CCND3: variants seen among roughly 807,000 people sequenced by gnomAD.
CCND3 encodes cyclin D3, also known as G1/S-specific cyclin-D3.
In CCND3, 9 loss-of-function variants were observed where a neutral mutation model predicts 28.7. The ratio of observed to expected loss-of-function variants is 0.31; its 90% CI spans 0.19 to 0.55. The LOEUF (loss-of-function observed/expected upper bound fraction) is 0.55. Among genes scored for constraint, CCND3 ranks in the 20% least tolerant of loss-of-function variants. The pLI is 0.93. For missense variants in CCND3, 315 were observed against 385.8 expected (o/e 0.82, Z 1.54); for synonymous variants, 164 against 163.9 (o/e 1.00, Z 0.00).
chr6:42,040,443 A>C (rs1377704345), intron 1 of CCND3, among the ~76,000 whole-genome samples: 1 of 151,884 alleles, frequency 6.6e-6, no homozygotes, highest in Non-Finnish European at 1.5e-5. Context: ...ACAACAACAA[A>C]AAAGAAAAGT....
intron 1 of CCND3, among the ~76,000 whole-genome samples, chr6:42,038,918 CA>C (rs1481251982): frequency 1.3e-5 from 2 of 152,204 alleles, no homozygotes; most frequent in Non-Finnish European, 2.9e-5. Flanking sequence ...ATTCCCACAG[CA>C]TTGTAGTTGA....
chr6:42,000,233 A>ATTTTTT (rs1561980601), intron 1 of CCND3, among the ~76,000 whole-genome samples: 2 of 31,234 alleles, frequency 6.4e-5, no homozygotes, highest in African/African-American at 2.4e-4. Flanking sequence ...TTGAAAACAT[A>ATTTTTT]CTTTTTTTTT....
chr6:41,981,192 ATATT>A (rs777302648), intron 1 of CCND3, among the ~76,000 whole-genome samples: 1 of 152,216 alleles, frequency 6.6e-6, no homozygotes, highest in Admixed American at 6.5e-5. Context: ...GGATATAAAA[ATATT>A]TATTTATTTA....
At chr6:42,020,298 A>C (rs1582171015) in intron 1 of CCND3, among the ~76,000 whole-genome samples, 1 of 152,318 alleles carries the variant, frequency 6.6e-6, no homozygotes, top group Middle Eastern at 3.4e-3. Flanking sequence ...AAAGAAAAGA[A>C]AAAAGAAAAA....
chr6:42,046,511 C>T (rs1262876467), intron 1 of CCND3, among the ~76,000 whole-genome samples: 2 of 152,244 alleles, frequency 1.3e-5, no homozygotes, highest in South Asian at 2.1e-4. Context: ...GATTCTGGCA[C>T]ATCACGTCCA....
intron 1 of CCND3, among the ~76,000 whole-genome samples, chr6:42,021,120 G>GAA (rs1763700495): frequency 6.6e-6 from 1 of 152,222 alleles, no homozygotes; most frequent in African/African-American, 2.4e-5. Context: ...GAGAGAGAGA[G>GAA]AAACAGACCA....
chr6:41,973,304 A>C (rs1720392084), intron 1 of CCND3, among the ~76,000 whole-genome samples: 1 of 152,154 alleles, frequency 6.6e-6, no homozygotes, highest in African/African-American at 2.4e-5. Context: ...ATCTGCCCTA[A>C]ATCCTTTAAA....
At chr6:41,992,752 TTA>T (rs1047807351) in intron 1 of CCND3, among the ~76,000 whole-genome samples, 3 of 151,894 alleles carry the variant, frequency 2.0e-5, no homozygotes, top group Admixed American at 2.0e-4. Context: ...CAGCAATATT[TTA>T]TCTATCTTGG....
chr6:41,964,993 A>G (rs1055942541), intron 1 of CCND3, among the ~76,000 whole-genome samples: 5 of 140,446 alleles, frequency 3.6e-5, no homozygotes, highest in African/African-American at 1.4e-4. Flanking sequence ...AGGTGTTTCT[A>G]TTTCCTCTGA....
At chr6:42,043,445 C>T (rs1443579812) in intron 1 of CCND3, among the ~76,000 whole-genome samples, 1 of 152,206 alleles carries the variant, frequency 6.6e-6, no homozygotes, top group Non-Finnish European at 1.5e-5. Flanking sequence ...GCAGGAGAAT[C>T]ACTTGAATCT....
chr6:41,980,546 A>G lies in CCND3; in HGVS notation c.-45-39961T>C, dbSNP rs541658735. Among the ~76,000 whole-genome samples, 26 of 152,346 alleles carry G rather than the reference A, an allele frequency of 1.7e-4. No individual in the cohort carries two copies. The South Asian group carries it at 4.6e-3, about 27-fold the overall frequency. ...CCTTAACTCATTCTATAAGGCCAGCATTATCCTAATATCAACAGCAGACAC... is the reference window on the plus strand; with the variant it reads ...CCTTAACTCATTCTATAAGGCCAGCGTTATCCTAATATCAACAGCAGACAC... On this transcript the variant is annotated intron_variant, in intron 1 of 4. Coordinates refer to the CCND3 transcript ENST00000372988.
chr6:41,999,569 T>G (rs912091103), intron 1 of CCND3, among the ~76,000 whole-genome samples: 4 of 152,146 alleles, frequency 2.6e-5, no homozygotes, highest in Non-Finnish European at 4.4e-5. Flanking sequence ...AATTATAAAT[T>G]TCCATCTCGC....
upstream of CCND3, among the ~76,000 whole-genome samples, chr6:41,942,872 C>CTTTTTTTTTTTT (rs60884050): frequency 6.1e-5 from 5 of 82,580 alleles, no homozygotes; most frequent in Admixed American, 1.6e-4. Flanking sequence ...GTTAATTATT[C>CTTTTTTTTTTTT]TTTTTTTTTT....
chr6:42,027,309 A>G lies in CCND3; in HGVS notation c.-46+21192T>C, dbSNP rs542729619. Reference sequence around the variant, plus strand: ...AAAAAAATTAGGCAGGCTTGGTGGCAGGCGCCTATAGTCCCAGCTACTCGG... The same window carrying G: ...AAAAAAATTAGGCAGGCTTGGTGGCGGGCGCCTATAGTCCCAGCTACTCGG... On this transcript the variant is annotated intron_variant, in intron 1 of 4. Transcript: ENST00000372988. Among the ~76,000 whole-genome samples the G allele has an allele frequency of 3.9e-5, 6 of 152,216 alleles. No individual in the cohort carries two copies. The East Asian group carries it at 7.7e-4, about 20-fold the overall frequency.
At chr6:41,994,716 G>GA (rs1287562139) in intron 1 of CCND3, among the ~76,000 whole-genome samples, 5 of 152,052 alleles carry the variant, frequency 3.3e-5, no homozygotes, top group Admixed American at 3.3e-4. Flanking sequence ...TATGGCGTAG[G>GA]AATTATATGG....
intron 1 of CCND3, among the ~76,000 whole-genome samples, chr6:42,024,421 T>G (rs6458266): frequency 8.5e-6 from 1 of 118,190 alleles, no homozygotes; most frequent in African/African-American, 3.1e-5. Context: ...AAAATAATAA[T>G]AATTCACCCT....
At position 41,941,720 on chromosome 6, in the gene CCND3, C is replaced by T. The variant is rs1184732288; in HGVS notation, c.-71G>A. On this transcript the variant is annotated 5_prime_UTR_variant, in exon 1 of 5. Transcript: ENST00000372991. This position sits in a 1 kb window ranked among gnomAD's most constrained non-coding sequence, Gnocchi z 6.1. ...CCAAGGCAGGCGACGGGCCGGAGAG[C>T]GCGGGGCGCGGGTCTGGCGCTGGCG... 58 of 1,127,270 alleles carry T rather than the reference C, an allele frequency of 5.1e-5. No individual in the cohort carries two copies. Among genetic ancestry groups the T allele is most frequent in the Non-Finnish European group, 6.4e-5 (56 of 875,056 alleles). 69.8% of individuals were successfully genotyped at this position (1,127,270 alleles called of 1,614,324 possible). A position where few individuals can be genotyped will look rare whatever the true frequency, so the allele number is the denominator to read the frequency against.
intron 3 of CCND3, 29 bp downstream of exon 3, chr6:41,937,206 T>C: frequency 6.2e-7 from 1 of 1,613,290 alleles, no homozygotes; most frequent in Non-Finnish European, 8.5e-7. Flanking sequence ...ATTTTTCCAA[T>C]TTGGCAAAAA....
At position 42,004,457 on chromosome 6, in the gene CCND3, G is replaced by A. The variant is rs187182645; in HGVS notation, c.-46+44044C>T. Among the ~76,000 whole-genome samples, 347 of 152,272 alleles carry A rather than the reference G, an allele frequency of 2.3e-3. 5 individuals carry two copies. Among genetic ancestry groups the A allele is most frequent in the Middle Eastern group, 0.01 (3 of 294 alleles). ...ACAGAATAACTCTATTTATGGCTGG[G>A]CATGGTGGCTCATGCCTGTAATCCC... On this transcript the variant is annotated intron_variant, in intron 1 of 4. Coordinates refer to the CCND3 transcript ENST00000372988.
Sources: gnomAD v4.1 joint callset for allele counts (sites outside exome capture counted in the v4.1 genomes callset) on GRCh38, gnomAD v4.1.1 for gene constraint, Gnocchi (gnomAD v3.1) non-coding constraint, MANE v1.5 for transcripts, NCBI Gene and HGNC (gene_info 2026-07-23, HGNC 2026-07-21) for gene names.